Variants in PHACTR1 observed in about 807,000 individuals in gnomAD.
PHACTR1 encodes the protein RPEL repeat containing 1.
A neutral mutation model predicts 69.2 loss-of-function variants in PHACTR1; 16 were observed. The ratio of observed to expected loss-of-function variants is 0.23; its 90% CI spans 0.16 to 0.35. The LOEUF (loss-of-function observed/expected upper bound fraction) is 0.35. Ranked by LOEUF, PHACTR1 falls within the 10% of genes least tolerant of loss-of-function variation. The pLI is 1.00. For synonymous variants in PHACTR1, 312 were observed against 284.5 expected (o/e 1.10, Z -0.97); for missense variants, 510 against 734.7 (o/e 0.69, Z 3.54).
intron 4 of PHACTR1, among the ~76,000 whole-genome samples, chr6:12,750,991 T>TGTGG (rs1554133115): frequency 6.6e-6 from 1 of 152,122 alleles, no homozygotes; most frequent in African/African-American, 2.4e-5. Context: ...TGTGTGTGTG[T>TGTGG]GTGCGCGTGC....
rs140797883 is a variant in PHACTR1 at position 13,063,990 on chromosome 6, G to C, written c.415+10461G>C. ...TTCTCTATATTATGGGAAAAGCTTGGAGTGGCACCAAGTGGTGTTTACAAG... is the reference window on the plus strand; with the variant it reads ...TTCTCTATATTATGGGAAAAGCTTGCAGTGGCACCAAGTGGTGTTTACAAG... On this transcript the variant is annotated intron_variant, in intron 5 of 14. Coordinates refer to ENST00000332995, the MANE Select transcript of PHACTR1 (RefSeq NM_030948.6). 1.8e-3 allele frequency among the ~76,000 whole-genome samples: 280 copies of C among 152,258 alleles called. 1 individual carries two copies. Among genetic ancestry groups the C allele is most frequent in the African/African-American group, 6.3e-3 (262 of 41,544 alleles).
At position 12,962,133 on chromosome 6, in the gene PHACTR1, G is replaced by A. The variant is rs562134449; in HGVS notation, c.251-91232G>A. On this transcript the variant is annotated intron_variant, in intron 4 of 14. Transcript: ENST00000332995. Reference sequence around the variant, plus strand: ...TAATTTTTTGTAGTGACAGAGTCTCGCTACGTTATCCAGGCTGGTCTCATA... The same window carrying A: ...TAATTTTTTGTAGTGACAGAGTCTCACTACGTTATCCAGGCTGGTCTCATA... 1.4e-4 allele frequency among the ~76,000 whole-genome samples: 21 copies of A among 151,842 alleles called. No individual in the cohort carries two copies. In the South Asian group the frequency reaches 3.6e-3, roughly 26 times the overall value.
intron 4 of PHACTR1, 66 bp downstream of exon 4, chr6:12,749,856 C>A: frequency 7.1e-7 from 1 of 1,403,138 alleles, no homozygotes; most frequent in Non-Finnish European, 9.4e-7. Flanking sequence ...GCTGTTGAGC[C>A]CCCGCCCCTC....
intron 4 of PHACTR1, among the ~76,000 whole-genome samples, chr6:12,866,210 T>A (rs1781439693): frequency 1.3e-5 from 2 of 152,222 alleles, no homozygotes; most frequent in South Asian, 4.1e-4. Flanking sequence ...CTGATGGTGG[T>A]GTTTCTGATT....
chr6:12,913,217 C>T (rs528853910), intron 4 of PHACTR1, among the ~76,000 whole-genome samples: 3 of 152,250 alleles, frequency 2.0e-5, no homozygotes, highest in African/African-American at 7.2e-5. Flanking sequence ...TGGAACAGCA[C>T]TGGCTCCAGA....
At chr6:13,236,792 C>T (rs1298588127) in intron 10 of PHACTR1, among the ~76,000 whole-genome samples, 1 of 152,150 alleles carries the variant, frequency 6.6e-6, no homozygotes, top group Non-Finnish European at 1.5e-5. Flanking sequence ...TTTAGGAAGA[C>T]AGAATTCAAT....
intron 5 of PHACTR1, among the ~76,000 whole-genome samples, chr6:13,132,395 A>G (rs983351633): frequency 3.3e-5 from 5 of 152,048 alleles, no homozygotes; most frequent in East Asian, 3.9e-4. Context: ...CTTTCTCTAG[A>G]GACTGTGCCC....
Position 12,775,118 on chromosome 6 carries a change from T to A in PHACTR1, c.250+25328T>A, listed in dbSNP as rs1434285364. Among the ~76,000 whole-genome samples, 4 of 152,142 alleles carry A rather than the reference T, an allele frequency of 2.6e-5. No homozygotes were observed. The South Asian group carries it at 8.3e-4, about 32-fold the overall frequency. ...TTTCAGTGCCCTTACTGTGTCATCC[T>A]TCCAGGATGAACCTAGTCTCCCTTC... On this transcript the variant is annotated intron_variant, in intron 4 of 14. Transcript: ENST00000332995.
chr6:12,879,031 T>C (rs1487014494), intron 4 of PHACTR1, among the ~76,000 whole-genome samples: 4 of 152,188 alleles, frequency 2.6e-5, no homozygotes, highest in African/African-American at 9.7e-5. Context: ...TCTGGAGATG[T>C]AGTGTGATGG....
chr6:12,981,409 G>A (rs369045559), intron 4 of PHACTR1, among the ~76,000 whole-genome samples: 1 of 152,168 alleles, frequency 6.6e-6, no homozygotes, highest in Non-Finnish European at 1.5e-5. Context: ...CCATGAATAG[G>A]AAGAAAACCT....
rs1761846777 is a variant in PHACTR1, at chr6:13,179,374, TG to T, written c.497-3142del. Among the ~76,000 whole-genome samples, 1 of 150,858 alleles carries T rather than the reference TG, an allele frequency of 6.6e-6. No individual in the cohort carries two copies. Among genetic ancestry groups the T allele is most frequent in the South Asian group, 2.1e-4 (1 of 4,798 alleles). Reference sequence around the variant, plus strand: ...CCCAGATAATTCCTTAGCTTAATGATGGGTATATACAGCCCATTACATTAAT... The same window carrying T: ...CCCAGATAATTCCTTAGCTTAATGATGGTATATACAGCCCATTACATTAAT... On this transcript the variant is annotated intron_variant, in intron 6 of 14. Transcript: ENST00000332995. The surrounding 1 kb of genome is among the most constrained non-coding windows in gnomAD (Gnocchi z 4.2).
At chr6:12,957,584 C>T (rs1050867865) in intron 4 of PHACTR1, 2 of 985,666 alleles carry the variant, frequency 2.0e-6, no homozygotes, top group Non-Finnish European at 2.4e-6. Context: ...GAGGCTGCCA[C>T]TTTAGAGACG....
intron 4 of PHACTR1, among the ~76,000 whole-genome samples, chr6:12,950,560 A>G (rs947387485): frequency 1.3e-5 from 2 of 152,190 alleles, no homozygotes; most frequent in Admixed American, 6.5e-5. Context: ...AGGGAGGAGG[A>G]GAGGCACACA....
chr6:12,835,056 G>A (rs1251290607), intron 4 of PHACTR1, among the ~76,000 whole-genome samples: 1 of 152,138 alleles, frequency 6.6e-6, no homozygotes, highest in Admixed American at 6.6e-5. Context: ...CTAGAGAAGA[G>A]GTAAGAGTTG....
At chr6:13,010,761 G>T (rs1453480415) in intron 4 of PHACTR1, among the ~76,000 whole-genome samples, 3 of 151,940 alleles carry the variant, frequency 2.0e-5, no homozygotes, top group African/African-American at 7.3e-5. Context: ...CTGTCATACA[G>T]CTAAGTGACA....
chr6:12,861,589 G>C (rs1393751532), intron 4 of PHACTR1, among the ~76,000 whole-genome samples: 1 of 152,226 alleles, frequency 6.6e-6, no homozygotes, highest in Admixed American at 6.5e-5. Context: ...AAACAGGGTA[G>C]AGGCTCTGTG....
chr6:13,143,568 T>C (rs1038698093), intron 5 of PHACTR1, among the ~76,000 whole-genome samples: 5 of 152,228 alleles, frequency 3.3e-5, no homozygotes, highest in South Asian at 2.1e-4. Context: ...AAAAAATGTT[T>C]TTACATTTTC....
intron 4 of PHACTR1, among the ~76,000 whole-genome samples, chr6:12,991,365 C>T (rs181051250): frequency 6.6e-6 from 1 of 152,258 alleles, no homozygotes; most frequent in East Asian, 1.9e-4. Context: ...TGTGTCTCCA[C>T]AGGACTGCCC....
chr6:13,073,229 A>AAAAAAAAAAG (rs1427798721), intron 5 of PHACTR1, among the ~76,000 whole-genome samples: 6 of 151,870 alleles, frequency 4.0e-5, no homozygotes, highest in African/African-American at 1.5e-4. Flanking sequence ...GATTAACAAA[A>AAAAAAAAAAG]AAAAAAGAAA....
Sources: allele counts gnomAD v4.1 joint callset (sites outside exome capture counted in the v4.1 genomes callset), GRCh38; gene constraint gnomAD v4.1.1; non-coding constraint Gnocchi (gnomAD v3.1); transcripts MANE v1.5; gene names NCBI Gene and HGNC (gene_info 2026-07-23, HGNC 2026-07-21).